The following DNAH3 variants were observed in gnomAD, a reference collection of about 807,000 sequenced individuals.
DNAH3 encodes the protein axonemal beta dynein heavy chain 3.
A neutral mutation model predicts 432.5 loss-of-function variants in DNAH3; 332 were observed. The observed-to-expected ratio is 0.77, with a 90% confidence interval of 0.70 to 0.84. The LOEUF (loss-of-function observed/expected upper bound fraction) is 0.84. DNAH3 is among the 40% of genes least tolerant of loss of function. The probability of loss-of-function intolerance (pLI) is 0.00; values close to 1 mark genes in which losing one functional copy is unlikely to be tolerated. For missense variants in DNAH3, 4,861 were observed against 5,114.0 expected, an observed-to-expected ratio of 0.95 and a Z score of 1.51; for synonymous variants, 1,956 against 1,900.2, an observed-to-expected ratio of 1.03 and a Z score of -0.76.
rs759586157 is a variant in DNAH3 at position 20,964,882 on chromosome 16, A to G, written c.9002T>C (p.Leu3001Pro). 21 of 1,614,198 alleles carry G rather than the reference A, an allele frequency of 1.3e-5. No homozygotes were observed. Among genetic ancestry groups the G allele is most frequent in the Non-Finnish European group, 1.7e-5 (20 of 1,180,042 alleles). Residue 3001 changes from leucine (L) to proline (P), a missense_variant, in exon 53 of 62, where the codon CTG becomes CCG. Transcript: ENST00000261383. ...CAGGTAAGCCACAGTTCCTGAGGACAGCAACACGTCACCAGTCAGATTAGT... is the reference window on the plus strand; with the variant it reads ...CAGGTAAGCCACAGTTCCTGAGGACGGCAACACGTCACCAGTCAGATTAGT...
At chr16:21,111,425 A>C (rs2092068598) in intron 14 of DNAH3, among the ~76,000 whole-genome samples, 1 of 151,906 alleles carries the variant, frequency 6.6e-6, no homozygotes, top group Non-Finnish European at 1.5e-5. Flanking sequence ...CCACCCGCCT[A>C]CTCCAACCCC....
chr16:20,996,817 T>G (rs916099075), intron 44 of DNAH3: 3 of 161,326 alleles, frequency 1.9e-5, no homozygotes, highest in African/African-American at 7.2e-5. Flanking sequence ...TCTATAGGAC[T>G]GGGTGGATCA....
At chr16:21,096,260 A>C (rs2091676070) in intron 18 of DNAH3, among the ~76,000 whole-genome samples, 1 of 151,672 alleles carries the variant, frequency 6.6e-6, no homozygotes, top group South Asian at 2.1e-4. Context: ...TAGCTTCTCG[A>C]GTAGCTGAGA....
chr16:21,000,486 T>C (rs545825843), exon 43 of DNAH3: 7 of 1,612,004 alleles, frequency 4.3e-6, no homozygotes, highest in Non-Finnish European at 5.9e-6. Flanking sequence ...ACTGCCGGGC[T>C]GTCTCCATTG....
intron 61 of DNAH3, among the ~76,000 whole-genome samples, chr16:20,934,169 CA>C (rs2083506115): frequency 6.6e-6 from 1 of 152,154 alleles, no homozygotes. Flanking sequence ...CATTTAAAAT[CA>C]TTCAAATTAT....
chr16:21,120,652 G>A, intron 11 of DNAH3: 1 of 985,396 alleles, frequency 1.0e-6, no homozygotes, highest in Non-Finnish European at 1.6e-6. Context: ...AAAGTCATTG[G>A]TATTCACATA....
At chr16:20,984,843 C>T (rs903239672) in intron 48 of DNAH3, among the ~76,000 whole-genome samples, 1 of 151,084 alleles carries the variant, frequency 6.6e-6, no homozygotes, top group Non-Finnish European at 1.5e-5. Context: ...CCAGCCTGGG[C>T]AACAGAGCAA....
intron 39 of DNAH3, among the ~76,000 whole-genome samples, chr16:21,024,250 A>G (rs2088418395): frequency 6.6e-6 from 1 of 152,138 alleles, no homozygotes; most frequent in Admixed American, 6.6e-5. Context: ...CTCTAGAGAA[A>G]CTTCTACAGA....
In DNAH3 at chr16:20,991,972, T is replaced by G. The variant is rs1488894270; in HGVS notation, c.6602-3907A>C. On this transcript the variant is annotated intron_variant, in intron 44 of 61. Transcript: ENST00000261383. The stretch of plus-strand genomic sequence containing the variant: ...TCATCTATTAGTTGCAATATTTTCA[T>G]GAGATACTTCCCCTCATCAACCACT... Among the ~76,000 whole-genome samples, 3 of 152,318 alleles carry G rather than the reference T, an allele frequency of 2.0e-5. No individual in the cohort carries two copies. The East Asian group carries it at 5.8e-4, about 29-fold the overall frequency.
chr16:21,153,774 GC>G (rs1248086446), intron 1 of DNAH3, among the ~76,000 whole-genome samples: 3 of 152,068 alleles, frequency 2.0e-5, no homozygotes, highest in African/African-American at 7.2e-5. Flanking sequence ...CACCGCGAGG[GC>G]CCACGGCTTC....
chr16:21,117,212 C>T, exon 12 of DNAH3: 1 of 1,601,392 alleles, frequency 6.2e-7, no homozygotes, highest in Non-Finnish European at 8.5e-7. Flanking sequence ...CTTGCAGGGG[C>T]CAACTTGATT....
rs869256566 is a variant in DNAH3 at position 20,951,738 on chromosome 16, ATTT to A, written c.11188+692_11188+694del. Among the ~76,000 whole-genome samples, 122 of 73,458 alleles carry A rather than the reference ATTT, an allele frequency of 1.7e-3. 5 individuals carry two copies. In the South Asian group the frequency reaches 0.051, roughly 31 times the overall value. The allele number at this position is 73,458 out of a possible 152,430, so 48.2% of individuals were successfully genotyped here. A position where few individuals can be genotyped will look rare whatever the true frequency, so the allele number is the denominator to read the frequency against. ...GCATGATCCACTGCGCCTGGCCCGTATTTTTTTTTTTTTTTTTTTTTTTTGAGA... is the reference window on the plus strand; with the variant it reads ...GCATGATCCACTGCGCCTGGCCCGTATTTTTTTTTTTTTTTTTTTTTGAGA... On this transcript the variant is annotated intron_variant, in intron 56 of 61. Coordinates refer to ENST00000261383, the Ensembl canonical transcript of DNAH3.
intron 27 of DNAH3, among the ~76,000 whole-genome samples, chr16:21,057,628 G>A (rs958317193): frequency 8.5e-5 from 13 of 152,208 alleles, no homozygotes; most frequent in Non-Finnish European, 1.9e-4. Context: ...TGGATCTGAG[G>A]ATAAACAGAT....
chr16:20,973,450 G>C (rs1490662859), intron 51 of DNAH3, among the ~76,000 whole-genome samples: 2 of 151,936 alleles, frequency 1.3e-5, no homozygotes, highest in Non-Finnish European at 1.5e-5. Context: ...ATAAGGTTTT[G>C]TCATGTTGGC....
chr16:21,111,685 T>C (rs2092075696), exon 14 of DNAH3: 4 of 1,614,062 alleles, frequency 2.5e-6, no homozygotes, highest in South Asian at 2.2e-5. Flanking sequence ...CTTTAAGATT[T>C]TGAGCTCGCT....
At chr16:21,159,268 C>T (rs1033978697) in intron 1 of DNAH3, 16 of 1,460,158 alleles carry the variant, frequency 1.1e-5, no homozygotes, top group Non-Finnish European at 1.4e-5. Context: ...CTCGACTCCC[C>T]TCTGAGTTCC....
At chr16:21,107,089 T>C (rs576734661) in intron 14 of DNAH3, among the ~76,000 whole-genome samples, 4 of 151,870 alleles carry the variant, frequency 2.6e-5, no homozygotes, top group African/African-American at 9.7e-5. Context: ...GATCTGAACC[T>C]GGGTTAATTG....
intron 32 of DNAH3, among the ~76,000 whole-genome samples, 175 bp from the exon 33 acceptor site, chr16:21,040,118 TGCATG>T (rs1237487396): frequency 1.3e-5 from 2 of 152,184 alleles, no homozygotes. Flanking sequence ...GGTGGGCCAA[TGCATG>T]GCTCAACCAA....
chr16:21,038,900 T>G (rs1255240919), intron 33 of DNAH3, among the ~76,000 whole-genome samples: 1 of 152,228 alleles, frequency 6.6e-6, no homozygotes, highest in African/African-American at 2.4e-5. Flanking sequence ...TGTAGCCCCT[T>G]GGATTATAAA....
Sources: gnomAD v4.1 joint callset for allele counts (sites outside exome capture counted in the v4.1 genomes callset) on GRCh38, gnomAD v4.1.1 for gene constraint, MANE v1.5 for transcripts, NCBI Gene and HGNC (gene_info 2026-07-23, HGNC 2026-07-21) for gene names.